NOS1: variants seen among roughly 807,000 people sequenced by gnomAD.
NOS1 encodes NOS type I.
In NOS1, 51 loss-of-function variants were observed where a neutral mutation model predicts 164.5. The observed-to-expected ratio is 0.31, with a 90% confidence interval of 0.25 to 0.39. NOS1 has a LOEUF of 0.39. Ranked by LOEUF, NOS1 falls within the 10% of genes least tolerant of loss-of-function variation. NOS1 has a pLI of 1.00. For missense variants in NOS1, 1,362 were observed against 1,885.6 expected, an observed-to-expected ratio of 0.72 and a Z score of 5.14; for synonymous variants, 719 against 745.8, an observed-to-expected ratio of 0.96 and a Z score of 0.59.
chr12:117,210,159 T>TAG lies in NOS1; in HGVS notation c.*5149_*5150insCT. On this transcript the variant is annotated 3_prime_UTR_variant, in exon 29 of 29. Transcript: ENST00000317775. ...AGCTAATTTTTTTTTTTTTTTTTTT[T>TAG]TAGTAGAGACGAGATTGCGCTGTGT... 2.2e-6 allele frequency: 1 copy of TAG among 445,738 alleles called. No homozygotes were observed. The highest frequency in any genetic ancestry group is 2.8e-6 in the Non-Finnish European group (1 of 357,400). 27.6% of individuals were successfully genotyped at this position (445,738 alleles called of 1,614,324 possible). A position where few individuals can be genotyped will look rare whatever the true frequency, so the allele number is the denominator to read the frequency against.
At chr12:117,266,577 G>C (rs148179299) in intron 11 of NOS1, among the ~76,000 whole-genome samples, 1 of 145,920 alleles carries the variant, frequency 6.9e-6, no homozygotes, top group East Asian at 2.0e-4. Context: ...TCACTCTGTC[G>C]CCCAGACTGG....
At chr12:117,254,359 G>A (rs751598119) in intron 16 of NOS1, among the ~76,000 whole-genome samples, 24 of 152,182 alleles carry the variant, frequency 1.6e-4, no homozygotes, top group Non-Finnish European at 2.8e-4. Flanking sequence ...CACCTGCCTC[G>A]GCCTCCCAAA....
intron 8 of NOS1, among the ~76,000 whole-genome samples, chr12:117,278,539 A>G (rs1873363718): frequency 6.6e-6 from 1 of 152,194 alleles, no homozygotes. Context: ...AAGGTATTGT[A>G]AGATACAAAG....
In NOS1 at chr12:117,311,559, G is replaced by A. The variant is rs771289636; in HGVS notation, c.759C>T (p.Pro253=). 3.1e-6 allele frequency: 5 copies of A among 1,612,974 alleles called. No individual in the cohort carries two copies. Among genetic ancestry groups the A allele is most frequent in the Non-Finnish European group, 4.2e-6 (5 of 1,179,480 alleles). The change falls in exon 3 of 29, where the codon CCC becomes CCT. Residue 253 remains proline, a synonymous_variant. Coordinates refer to ENST00000317775, the MANE Select transcript of NOS1 (RefSeq NM_000620.5). The part of the protein sequence containing the change: ...DLDGKSHKPL[P]LGVENDRVFN... The stretch of plus-strand genomic sequence containing the variant: ...AGACTCGGTCGTTCTCCACGCCGAG[G>A]GGCAGAGGTTTGTGTGACTTGCCGT...
At chr12:117,359,893 T>C (rs1449483652) in intron 1 of NOS1, among the ~76,000 whole-genome samples, 1 of 34,990 alleles carries the variant, frequency 2.9e-5, no homozygotes, top group South Asian at 9.8e-4. Context: ...TATATATATA[T>C]ATATATATAT....
chr12:117,255,476 A>G (rs1357132295), intron 16 of NOS1, among the ~76,000 whole-genome samples: 1 of 152,232 alleles, frequency 6.6e-6, no homozygotes, highest in Admixed American at 6.5e-5. Context: ...GATGTTCTTT[A>G]AAGTTTTCGC....
At chr12:117,344,085 A>G (rs1876233611) in intron 1 of NOS1, among the ~76,000 whole-genome samples, 1 of 152,238 alleles carries the variant, frequency 6.6e-6, no homozygotes, top group South Asian at 2.1e-4. Context: ...CAATTGTATA[A>G]AATGTATTTG....
chr12:117,242,927 C>T (rs1870302871), intron 19 of NOS1, among the ~76,000 whole-genome samples: 1 of 152,164 alleles, frequency 6.6e-6, no homozygotes, highest in Admixed American at 6.5e-5. Flanking sequence ...TTGTATTCAC[C>T]CTCTACTGAC....
chr12:117,245,451 C>T (rs1351513939), intron 18 of NOS1: 2 of 152,240 alleles, frequency 1.3e-5, no homozygotes, highest in African/African-American at 2.4e-5. Context: ...ACCCCTACCC[C>T]TGTGGCTACT....
At chr12:117,275,153 C>CAT (rs773828427) in intron 9 of NOS1, among the ~76,000 whole-genome samples, 5 of 151,702 alleles carry the variant, frequency 3.3e-5, no homozygotes, top group East Asian at 3.9e-4. Flanking sequence ...TATATACACA[C>CAT]ATATATATAT....
intron 28 of NOS1, among the ~76,000 whole-genome samples, chr12:117,215,938 C>T (rs149214948): frequency 0.015 from 2,055 of 135,322 alleles, 28 homozygotes; most frequent in South Asian, 0.069. Flanking sequence ...AGTGCAGTGA[C>T]GTGATCTCGG....
chr12:117,306,088 G>A (rs886328238), intron 3 of NOS1, among the ~76,000 whole-genome samples: 1 of 151,998 alleles, frequency 6.6e-6, no homozygotes, highest in African/African-American at 2.4e-5. Context: ...CACCTTGCCT[G>A]GCCTGGCCCG....
intron 8 of NOS1, among the ~76,000 whole-genome samples, chr12:117,279,441 C>T (rs1873456020): frequency 6.6e-6 from 1 of 152,004 alleles, no homozygotes; most frequent in Non-Finnish European, 1.5e-5. Context: ...TGGACCCAGA[C>T]TTCGAGATCC....
At chr12:117,276,175 G>C (rs960972108) in intron 9 of NOS1, among the ~76,000 whole-genome samples, 1 of 152,118 alleles carries the variant, frequency 6.6e-6, no homozygotes. Context: ...GTTATCCTTC[G>C]AGTTACAAAG....
intron 8 of NOS1, among the ~76,000 whole-genome samples, chr12:117,279,302 A>G (rs1873438235): frequency 6.6e-6 from 1 of 152,026 alleles, no homozygotes; most frequent in Non-Finnish European, 1.5e-5. Context: ...GCTTGAACTC[A>G]GAGTTGCAGT....
intron 1 of NOS1, among the ~76,000 whole-genome samples, chr12:117,340,871 CTATT>C (rs1876071184): frequency 6.2e-5 from 6 of 96,434 alleles, no homozygotes; most frequent in Admixed American, 4.3e-4. Flanking sequence ...TCACACCTGG[CTATT>C]TTTTTTTTTT....
intron 28 of NOS1, among the ~76,000 whole-genome samples, chr12:117,216,913 G>A (rs1056175215): frequency 2.4e-4 from 37 of 152,138 alleles, no homozygotes; most frequent in African/African-American, 8.7e-4. Context: ...TTCAAGAAAT[G>A]AGTGTATGCC....
At chr12:117,322,481 C>G (rs545183517) in intron 2 of NOS1, among the ~76,000 whole-genome samples, 1 of 142,280 alleles carries the variant, frequency 7.0e-6, no homozygotes, top group Non-Finnish European at 1.5e-5. Context: ...CCCTTCCCTC[C>G]TTCCTTTCCT....
rs7307623 is a variant in NOS1 at position 117,259,770 on chromosome 12, A to G, written c.2368-640T>C. On this transcript the variant is annotated intron_variant, in intron 14 of 28. Transcript: ENST00000317775. ...TATTCTATCCTCGCCTCTTTTGGAG[A>G]TTAGAACACATGCTTATAGATTACA... 3.5e-3 allele frequency among the ~76,000 whole-genome samples: 534 copies of G among 152,272 alleles called. 1 individual carries two copies. Among genetic ancestry groups the G allele is most frequent in the African/African-American group, 0.012 (516 of 41,558 alleles).
Sources: gnomAD v4.1 joint callset for allele counts (sites outside exome capture counted in the v4.1 genomes callset) on GRCh38, gnomAD v4.1.1 for gene constraint, MANE v1.5 for transcripts, NCBI Gene and HGNC (gene_info 2026-07-23, HGNC 2026-07-21) for gene names.